GRIN2B: variants seen among roughly 807,000 people sequenced by gnomAD.
GRIN2B encodes the protein glutamate receptor ionotropic, NMDA 2B.
Under a neutral mutation model 114.5 loss-of-function variants are expected in GRIN2B, and 5 were observed. The observed-to-expected ratio is 0.04, with a 90% CI of 0.02 to 0.09. GRIN2B has a LOEUF of 0.09. Among genes scored for constraint, GRIN2B ranks in the 10% least tolerant of loss-of-function variants. The pLI, the probability that GRIN2B is intolerant of heterozygous loss-of-function variation, is 1.00. For synonymous variants in GRIN2B, 787 were observed against 745.1 expected (o/e 1.06, Z -0.92); for missense variants, 1,108 against 1,943.5 (o/e 0.57, Z 8.08).
intron 4 of GRIN2B, among the ~76,000 whole-genome samples, chr12:13,695,637 T>C (rs1428576850): frequency 6.6e-6 from 1 of 151,986 alleles, no homozygotes; most frequent in Non-Finnish European, 1.5e-5. Context: ...ATGGAAGAAA[T>C]AAGGCTGAAA....
intron 3 of GRIN2B, among the ~76,000 whole-genome samples, chr12:13,835,445 C>T (rs1865242948): frequency 6.6e-6 from 1 of 152,112 alleles, no homozygotes; most frequent in South Asian, 2.1e-4. Context: ...GTTGTCTCTT[C>T]CTTACCTCTT....
chr12:13,764,718 C>T (rs1455401726), intron 3 of GRIN2B, among the ~76,000 whole-genome samples: 1 of 152,226 alleles, frequency 6.6e-6, no homozygotes, highest in African/African-American at 2.4e-5. Flanking sequence ...TCAGTGGTCT[C>T]CAACATTTCT....
intron 10 of GRIN2B, among the ~76,000 whole-genome samples, chr12:13,578,434 G>A (rs1014972347): frequency 2.5e-4 from 38 of 152,260 alleles, no homozygotes; most frequent in East Asian, 5.8e-4. Context: ...CCACCATGCC[G>A]GAGATTCCAC....
intron 2 of GRIN2B, among the ~76,000 whole-genome samples, chr12:13,918,473 A>G (rs895320421): frequency 1.8e-4 from 27 of 152,224 alleles, no homozygotes; most frequent in African/African-American, 5.3e-4. Flanking sequence ...TTTGACAACC[A>G]AATACCATGC....
chr12:13,864,031 C>T (rs1865787247), intron 3 of GRIN2B, among the ~76,000 whole-genome samples: 1 of 152,224 alleles, frequency 6.6e-6, no homozygotes, highest in South Asian at 2.1e-4. Context: ...TGAAGCACAA[C>T]TCAACGGGTT....
At chr12:13,950,749 A>G (rs1867465030) in intron 2 of GRIN2B, among the ~76,000 whole-genome samples, 1 of 152,202 alleles carries the variant, frequency 6.6e-6, no homozygotes, top group Admixed American at 6.5e-5. Flanking sequence ...TGCTTTGGGC[A>G]CAATTCCTTA....
intron 10 of GRIN2B, among the ~76,000 whole-genome samples, chr12:13,572,876 C>G (rs1315780699): frequency 6.6e-6 from 1 of 152,158 alleles, no homozygotes; most frequent in Non-Finnish European, 1.5e-5. Flanking sequence ...CAAGTCTACC[C>G]CAAAGTGACC....
At chr12:13,858,444 T>C (rs1385026492) in intron 3 of GRIN2B, among the ~76,000 whole-genome samples, 1 of 152,130 alleles carries the variant, frequency 6.6e-6, no homozygotes, top group African/African-American at 2.4e-5. Flanking sequence ...TTGAATAAAA[T>C]GTAGATCTAA....
intron 3 of GRIN2B, among the ~76,000 whole-genome samples, chr12:13,825,493 A>ATATTTTTTTTTTTT (rs1555144006): frequency 3.6e-5 from 1 of 28,128 alleles, no homozygotes; most frequent in African/African-American, 1.1e-4. Context: ...ATATATATAT[A>ATATTTTTTTTTTTT]TTTTGTGTGT....
chr12:13,917,128 C>T (rs1471996989), intron 2 of GRIN2B, among the ~76,000 whole-genome samples: 3 of 152,134 alleles, frequency 2.0e-5, no homozygotes, highest in Non-Finnish European at 4.4e-5. Flanking sequence ...GCCAGTCCTT[C>T]CTGGCTCCCT....
intron 12 of GRIN2B, among the ~76,000 whole-genome samples, 178 bp from the exon 13 acceptor site, chr12:13,567,441 A>G (rs1190794114): frequency 2.0e-5 from 3 of 152,274 alleles, no homozygotes; most frequent in Non-Finnish European, 4.4e-5. Flanking sequence ...ATGCCATTAC[A>G]TATTAATTCA....
intron 2 of GRIN2B, among the ~76,000 whole-genome samples, chr12:13,888,150 A>C (rs192321192): frequency 1.3e-3 from 197 of 152,322 alleles, no homozygotes; most frequent in Non-Finnish European, 2.0e-3. Flanking sequence ...AAAAAAATCA[A>C]TATACGGCCA....
chr12:13,897,001 A>C (rs1201054328), intron 2 of GRIN2B, among the ~76,000 whole-genome samples: 1 of 152,212 alleles, frequency 6.6e-6, no homozygotes, highest in African/African-American at 2.4e-5. Flanking sequence ...CATAATAGAT[A>C]CTAGTTATGA....
intron 5 of GRIN2B, among the ~76,000 whole-genome samples, chr12:13,663,751 G>A (rs952573852): frequency 2.0e-5 from 3 of 152,106 alleles, no homozygotes; most frequent in Non-Finnish European, 2.9e-5. Context: ...AGTGACTAAG[G>A]CCAAAACCCA....
intron 3 of GRIN2B, among the ~76,000 whole-genome samples, chr12:13,808,724 C>T (rs1202097247): frequency 8.5e-6 from 1 of 117,520 alleles, no homozygotes; most frequent in African/African-American, 3.1e-5. Flanking sequence ...GCACATGTAC[C>T]CTAGAACTTA....
intron 12 of GRIN2B, among the ~76,000 whole-genome samples, chr12:13,569,480 G>C (rs892413573): frequency 7.9e-5 from 12 of 152,174 alleles, no homozygotes; most frequent in African/African-American, 2.9e-4. Flanking sequence ...GCTTCTACAA[G>C]ATAAGGAATG....
intron 2 of GRIN2B, among the ~76,000 whole-genome samples, chr12:13,943,913 G>A (rs1341271723): frequency 3.3e-5 from 5 of 151,988 alleles, no homozygotes; most frequent in South Asian, 2.1e-4. Context: ...ACCTGGTCTC[G>A]CCTGCTCACT....
intron 3 of GRIN2B, among the ~76,000 whole-genome samples, chr12:13,770,480 G>A (rs1465904741): frequency 1.3e-5 from 2 of 152,236 alleles, no homozygotes; most frequent in African/African-American, 2.4e-5. Flanking sequence ...TTGTCAGAAA[G>A]ACTAGTTTCT....
chr12:13,884,569 A>AT (rs976540809), intron 2 of GRIN2B, among the ~76,000 whole-genome samples: 1 of 151,664 alleles, frequency 6.6e-6, no homozygotes, highest in Non-Finnish European at 1.5e-5. Flanking sequence ...AGTAATGATA[A>AT]TTTTTTTTCT....
Sources: allele counts gnomAD v4.1 joint callset (sites outside exome capture counted in the v4.1 genomes callset), GRCh38; gene constraint gnomAD v4.1.1; transcripts MANE v1.5; gene names NCBI Gene and HGNC (gene_info 2026-07-23, HGNC 2026-07-21).